BRWD1: variants seen among roughly 807,000 people sequenced by gnomAD.
The protein encoded by BRWD1 is bromodomain and WD repeat domain containing 1, also known as bromodomain and WD repeat-containing protein 1.
Under a neutral mutation model 251.2 loss-of-function variants are expected in BRWD1, and 82 were observed. The observed-to-expected ratio is 0.33, with a 90% CI of 0.27 to 0.39. The LOEUF (loss-of-function observed/expected upper bound fraction) is 0.39, where lower values mean the gene tolerates loss of function less well. Among genes scored for constraint, BRWD1 ranks in the 10% least tolerant of loss-of-function variants. The probability of loss-of-function intolerance (pLI) is 1.00; values close to 1 mark genes in which losing one functional copy is unlikely to be tolerated. For missense variants in BRWD1, 2,233 were observed against 2,711.6 expected (o/e 0.82, Z 3.92); for synonymous variants, 918 against 902.8 (o/e 1.02, Z -0.30).
chr21:39,213,735 G>C (rs2032763324), intron 32 of BRWD1, among the ~76,000 whole-genome samples, 182 bp from the exon 33 acceptor site: 1 of 152,024 alleles, frequency 6.6e-6, no homozygotes. Flanking sequence ...TCCTAATTTA[G>C]AATCTTGAAG....
In BRWD1 at chr21:39,225,271, C is replaced by CATA. The variant is rs1313619160; in HGVS notation, c.3209-75_3209-74insTAT. 3.2e-5 allele frequency: 33 copies of CATA among 1,019,650 alleles called. No individual in the cohort carries two copies. The Admixed American group carries it at 7.4e-4, about 23-fold the overall frequency. The allele number at this position is 1,019,650 out of a possible 1,614,324, so 63.2% of individuals were successfully genotyped here. A position where few individuals can be genotyped will look rare whatever the true frequency, so the allele number is the denominator to read the frequency against. On this transcript the variant is annotated intron_variant, in intron 27 of 40. Transcript: ENST00000342449. ...TAACATTTTTTTAATCTACAAAATACCATATGATACAGATAAAAAAGCCAA... is the reference window on the plus strand; with the variant it reads ...TAACATTTTTTTAATCTACAAAATACATACATATGATACAGATAAAAAAGCCAA...
At chr21:39,292,122 T>TGGGGGGGGGG (rs1336734101) in intron 8 of BRWD1, among the ~76,000 whole-genome samples, 2 of 2,184 alleles carry the variant, frequency 9.2e-4, no homozygotes, top group African/African-American at 1.7e-3. Context: ...TTGTGGGGGG[T>TGGGGGGGGGG]GGGTGGGGGT....
intron 29 of BRWD1, among the ~76,000 whole-genome samples, chr21:39,221,358 C>T (rs1379030299): frequency 6.6e-6 from 1 of 151,916 alleles, no homozygotes; most frequent in Non-Finnish European, 1.5e-5. Context: ...ACTCTATAAG[C>T]ATAGCTAATA....
Position 39,187,006 on chromosome 21 carries a change from C to T in BRWD1, c.*9253G>A, listed in dbSNP as rs561303172. 37 of 1,524,378 alleles carry T rather than the reference C, an allele frequency of 2.4e-5. No homozygotes were observed. Among genetic ancestry groups the T allele is most frequent in the Non-Finnish European group, 2.6e-5 (30 of 1,142,458 alleles). The allele number at this position is 1,524,378 out of a possible 1,614,324, so 94.4% of individuals were successfully genotyped here. ...GTGTACCAATTGTTTTCAGATGCCA[C>T]TTCTACATTCTCATAGTCACTATTG... On this transcript the variant is annotated 3_prime_UTR_variant, in exon 41 of 41. Coordinates refer to ENST00000342449, the MANE Select transcript of BRWD1 (RefSeq NM_033656.4).
At chr21:39,286,159 C>A (rs924241587) in intron 8 of BRWD1, among the ~76,000 whole-genome samples, 1 of 151,902 alleles carries the variant, frequency 6.6e-6, no homozygotes, top group Admixed American at 6.6e-5. Flanking sequence ...GGACTACAGG[C>A]GCTGGCCACC....
chr21:39,189,614 A>G lies in BRWD1; in HGVS notation c.*6645T>C. 1 of 982,266 alleles carries G rather than the reference A, an allele frequency of 1.0e-6. No individual in the cohort carries two copies. The highest frequency in any genetic ancestry group is 4.7e-5 in the South Asian group (1 of 21,228). 60.8% of individuals were successfully genotyped at this position (982,266 alleles called of 1,614,324 possible). A position where few individuals can be genotyped will look rare whatever the true frequency, so the allele number is the denominator to read the frequency against. On this transcript the variant is annotated 3_prime_UTR_variant, in exon 41 of 41. Transcript: ENST00000342449. ...GATAAAGCTGAATCTCTTAAGTCTT[A>G]GACAATAAAACAGGAATTTCAGAGA...
At position 39,319,388 on chromosome 21, in the gene BRWD1, T is replaced by C. The variant is rs571514898; in HGVS notation, n.534+1638A>G. Among the ~76,000 whole-genome samples, 3 of 152,210 alleles carry C rather than the reference T, an allele frequency of 2.0e-5. No individual in the cohort carries two copies. The South Asian group carries it at 6.2e-4, about 32-fold the overall frequency. On this transcript the variant is annotated intron_variant and non_coding_transcript_variant, in intron 1 of 4. Coordinates refer to the BRWD1 transcript ENST00000470108. ...CTGGCCCATGTCTGTCTCCAAGTCTTACTCGTTCTTACTTTGAAACATTTC... is the reference window on the plus strand; with the variant it reads ...CTGGCCCATGTCTGTCTCCAAGTCTCACTCGTTCTTACTTTGAAACATTTC...
intron 8 of BRWD1, among the ~76,000 whole-genome samples, chr21:39,286,016 C>CTTTTTTTTTTTTTTT (rs57151774): frequency 9.5e-5 from 10 of 104,772 alleles, no homozygotes; most frequent in South Asian, 5.9e-4. Context: ...ACCATATGAA[C>CTTTTTTTTTTTTTTT]TTTTTTTTTT....
At chr21:39,294,318 T>C (rs931970283) in intron 7 of BRWD1, among the ~76,000 whole-genome samples, 1 of 152,174 alleles carries the variant, frequency 6.6e-6, no homozygotes, top group South Asian at 2.1e-4. Flanking sequence ...AAGTAGTAAG[T>C]CCAACTCAAA....
intron 21 of BRWD1, among the ~76,000 whole-genome samples, chr21:39,243,504 G>A (rs2034072968): frequency 2.0e-5 from 3 of 152,022 alleles, no homozygotes; most frequent in African/African-American, 7.3e-5. Context: ...GAGTTACACT[G>A]GCGCAACCAA....
At chr21:39,247,444 A>G (rs1478042062) in intron 21 of BRWD1, among the ~76,000 whole-genome samples, 1 of 152,236 alleles carries the variant, frequency 6.6e-6, no homozygotes, top group Non-Finnish European at 1.5e-5. Flanking sequence ...TATATACAGA[A>G]AGTTTCAGAT....
chr21:39,319,969 GT>G (rs1314089780), intron 1 of BRWD1, among the ~76,000 whole-genome samples: 1 of 151,994 alleles, frequency 6.6e-6, no homozygotes, highest in African/African-American at 2.4e-5. Flanking sequence ...TTGCTTCCCT[GT>G]TCACGTCTTT....
chr21:39,269,805 A>G, intron 15 of BRWD1, 94 bp downstream of exon 15: 1 of 1,162,794 alleles, frequency 8.6e-7, no homozygotes, highest in Non-Finnish European at 1.1e-6. Context: ...ACAAACTGCC[A>G]AAACAAGCAG....
At chr21:39,293,128 C>T (rs2035862857) in intron 8 of BRWD1, among the ~76,000 whole-genome samples, 1 of 152,154 alleles carries the variant, frequency 6.6e-6, no homozygotes, top group Admixed American at 6.5e-5. Context: ...GGGGTTTATA[C>T]AATTCTGTCT....
chr21:39,298,503 A>G lies in BRWD1; in HGVS notation c.278T>C (p.Ile93Thr). ...QRIGPMLDKE[I>T]PPSISRVTSL... ...AGTGACTCTTGAAATACTGGGTGGA[A>G]TTTCTTTATCCAACATAGGACCGAT... The change falls in exon 5 of 41, where the codon ATT becomes ACT. Residue 93 changes from isoleucine (I) to threonine (T), a missense_variant. Ile to Thr is a moderately conservative substitution (Grantham distance 89). Coordinates refer to ENST00000342449, the MANE Select transcript of BRWD1 (RefSeq NM_033656.4). 6.2e-7 allele frequency: 1 copy of G among 1,611,354 alleles called. No homozygotes were observed. The highest frequency in any genetic ancestry group is 1.3e-5 in the African/African-American group (1 of 74,874).
At position 39,206,177 on chromosome 21, in the gene BRWD1, A is replaced by G; in HGVS notation, c.4295T>C (p.Leu1432Pro). 6.2e-7 allele frequency: 1 copy of G among 1,613,674 alleles called. No individual in the cohort carries two copies. ...TTGCTTGAACCTCTGGCTTCTTCGA[A>G]GTTTTTCATTGAATTTTTGACCAAT... is the stretch of plus-strand genomic sequence containing the variant. ...FKIGQKFNEK[L>P]RRSQRFKQRQ... Residue 1432 changes from leucine (L) to proline (P), a missense_variant, in exon 37 of 41, where the codon CTT (leucine) becomes CCT (proline). Transcript: ENST00000342449.
In BRWD1 at chr21:39,251,303, T is replaced by C. The variant is rs567822203; in HGVS notation, c.2256-414A>G. Among the ~76,000 whole-genome samples, 3 of 152,286 alleles carry C rather than the reference T, an allele frequency of 2.0e-5. No individual in the cohort carries two copies. The South Asian group carries it at 6.2e-4, about 32-fold the overall frequency. On this transcript the variant is annotated intron_variant, in intron 19 of 40. Transcript: ENST00000342449. ...ACAAGAATAGCAATGTTACTGGTTTTTCTAATCACCTATATTTCACTCACA... is the reference window on the plus strand; with the variant it reads ...ACAAGAATAGCAATGTTACTGGTTTCTCTAATCACCTATATTTCACTCACA...
intron 36 of BRWD1, 121 bp from the exon 37 acceptor site, chr21:39,206,395 A>G: frequency 1.4e-6 from 1 of 715,826 alleles, no homozygotes; most frequent in Admixed American, 3.3e-5. Flanking sequence ...AATGGCTGTC[A>G]CCCACTTCTT....
intron 20 of BRWD1, 107 bp from the exon 21 acceptor site, chr21:39,247,939 A>G (rs1253377228): frequency 2.4e-6 from 3 of 1,249,348 alleles, no homozygotes; most frequent in Non-Finnish European, 3.2e-6. Flanking sequence ...GCAAAAAGAA[A>G]AAAAGGCTTA....
Sources: gnomAD v4.1 joint callset for allele counts (sites outside exome capture counted in the v4.1 genomes callset) on GRCh38, gnomAD v4.1.1 for gene constraint, MANE v1.5 for transcripts, NCBI Gene and HGNC (gene_info 2026-07-23, HGNC 2026-07-21) for gene names.